The following KLK11 variants were observed in gnomAD, a reference collection of about 807,000 sequenced individuals.
The protein encoded by KLK11 is kallikrein related peptidase 11.
A neutral mutation model predicts 23.4 loss-of-function variants in KLK11; 10 were observed. The observed-to-expected ratio is 0.43, with a 90% confidence interval of 0.26 to 0.73. The LOEUF (loss-of-function observed/expected upper bound fraction) is 0.73, where lower values mean the gene tolerates loss of function less well. Among genes scored for constraint, KLK11 ranks in the 30% least tolerant of loss-of-function variants. The probability of loss-of-function intolerance (pLI) is 0.22; values close to 1 mark genes in which losing one functional copy is unlikely to be tolerated. For missense variants in KLK11, 285 were observed against 327.8 expected (o/e 0.87, Z 1.01); for synonymous variants, 131 against 131.7 (o/e 0.99, Z 0.03).
upstream of KLK11, chr19:51,027,145 C>T: frequency 3.0e-6 from 1 of 338,266 alleles, no homozygotes. Context: ...TCCTCCCGTC[C>T]CAGCCACTCC....
rs2091461295 is a variant in KLK11, at chr19:51,025,000, G to A, written c.41-206C>T. Among the ~76,000 whole-genome samples the A allele has an allele frequency of 6.6e-6, 1 of 152,186 alleles. No individual in the cohort carries two copies. The highest frequency in any genetic ancestry group is 2.4e-5 in the African/African-American group (1 of 41,424). ...AGGTCAAATGCAGTGGCTCATGCCT[G>A]TAATCCCAGCACTTTGAGAGGCTAA... On this transcript the variant is annotated intron_variant, in intron 2 of 5. Coordinates refer to ENST00000453757, the MANE Select transcript of KLK11 (RefSeq NM_001136032.3). The surrounding 1 kb of genome is among the most constrained non-coding windows in gnomAD (Gnocchi z 6.2).
chr19:51,027,082 T>A, upstream of KLK11: 1 of 218,582 alleles, frequency 4.6e-6, no homozygotes, highest in African/African-American at 2.3e-5. Flanking sequence ...ACTGCATCTC[T>A]GGCAATTTGT....
Position 51,025,488 on chromosome 19 carries a change from T to C in KLK11, c.40+104A>G. On this transcript the variant is annotated intron_variant, in intron 2 of 5. Transcript: ENST00000453757. The surrounding 1 kb of genome is among the most constrained non-coding windows in gnomAD (Gnocchi z 6.2). ...TCCAGTTCAGGTGCCTTATGGGTTG[T>C]TCTGTAATTTGGAATCAGCCCTGTC... The C allele has an allele frequency of 1.4e-6, 1 of 712,164 alleles. No homozygotes were observed. The highest frequency in any genetic ancestry group is 2.2e-6 in the Non-Finnish European group (1 of 448,700). The allele number at this position is 712,164 out of a possible 1,614,324, so 44.1% of individuals were successfully genotyped here. A position where few individuals can be genotyped will look rare whatever the true frequency, so the allele number is the denominator to read the frequency against.
In KLK11 at chr19:51,022,445, C is replaced by T. The variant is rs569618399; in HGVS notation, c.*100G>A. 99 of 1,426,538 alleles carry T rather than the reference C, an allele frequency of 6.9e-5. No homozygotes were observed. In the East Asian group the frequency reaches 7.1e-4, roughly 10 times the overall value. The allele number at this position is 1,426,538 out of a possible 1,614,324, so 88.4% of individuals were successfully genotyped here. On this transcript the variant is annotated 3_prime_UTR_variant, in exon 6 of 6. Transcript: ENST00000453757. ...TAGTCCAGGAGGCCCAAAGAATGTTCGTAGAGGGTCTTGGCTTAGGGTTTC... is the reference window on the plus strand; with the variant it reads ...TAGTCCAGGAGGCCCAAAGAATGTTTGTAGAGGGTCTTGGCTTAGGGTTTC...
chr19:51,027,459 G>A (rs1297784367), upstream of KLK11: 1 of 1,613,704 alleles, frequency 6.2e-7, no homozygotes. Context: ...TCACTTACTG[G>A]CTGCTGTGAG....
At position 51,025,218 on chromosome 19, in the gene KLK11, G is replaced by A. The variant is rs1346912024; in HGVS notation, c.40+374C>T. Among the ~76,000 whole-genome samples the A allele has an allele frequency of 1.3e-5, 2 of 151,876 alleles. No homozygotes were observed. The highest frequency in any genetic ancestry group is 1.9e-4 in the East Asian group (1 of 5,178). ...CGGGAAGTCAAGACTGCAGTGAGCC[G>A]TGTTGGCACCACGGCACTCCAGCCT... On this transcript the variant is annotated intron_variant, in intron 2 of 5. Transcript: ENST00000453757. This position sits in a 1 kb window ranked among gnomAD's most constrained non-coding sequence, Gnocchi z 6.2.
rs778575456 is a variant in KLK11 at position 51,022,561 on chromosome 19, G to A, written c.737C>T (p.Thr246Met). 29 of 1,613,950 alleles carry A rather than the reference G, an allele frequency of 1.8e-5. 1 individual carries two copies. Among genetic ancestry groups the A allele is most frequent in the Middle Eastern group, 1.6e-4 (1 of 6,078 alleles). ...VCKYVDWIQE[T>M]MKNN ...GGGTCCAGTCTAATTGTTCTTCATCGTCTCCTGGATCCAGTCCACATATTT... is the reference window on the plus strand; with the variant it reads ...GGGTCCAGTCTAATTGTTCTTCATCATCTCCTGGATCCAGTCCACATATTT... The change falls in exon 6 of 6, where the codon ACG becomes ATG. Residue 246 changes from threonine (T) to methionine (M), a missense_variant. Transcript: ENST00000453757.
Position 51,022,623 on chromosome 19 carries a change from C to T in KLK11, c.675G>A (p.Ala225=), listed in dbSNP as rs764880514. The T allele has an allele frequency of 4.4e-5, 71 of 1,613,716 alleles. No individual in the cohort carries two copies. In the South Asian group the frequency reaches 5.7e-4, roughly 13 times the overall value. Residue 225 remains alanine (A), a synonymous_variant, in exon 6 of 6, where the codon GCG becomes GCA. Transcript: ENST00000453757. ...GIISWGQDPC[A]ITRKPGVYTK... is the part of the protein sequence containing the mutation. Reference sequence around the variant, plus strand: ...TGTAGACACCAGGCTTTCGGGTGATCGCACACGGATCCTGGCCCCAGGAGA... The same window carrying T: ...TGTAGACACCAGGCTTTCGGGTGATTGCACACGGATCCTGGCCCCAGGAGA...
Position 51,024,045 on chromosome 19 carries a change from A to G in KLK11, c.463T>C (p.Leu155=). 1 of 1,532,246 alleles carries G rather than the reference A, an allele frequency of 6.5e-7. No homozygotes were observed. The highest frequency in any genetic ancestry group is 8.8e-7 in the Non-Finnish European group (1 of 1,134,586). 94.9% of individuals were successfully genotyped at this position (1,532,246 alleles called of 1,614,324 possible). Residue 155 remains leucine, a splice_region_variant and synonymous_variant, in exon 4 of 6, where the codon TTA becomes CTA. Coordinates refer to ENST00000453757, the MANE Select transcript of KLK11 (RefSeq NM_001136032.3). The surrounding 1 kb of genome is among the most constrained non-coding windows in gnomAD (Gnocchi z 6.2). ...SGWGSTSSPQ[L]RLPHTLRCAN... ...CCAGGTTCCCCTCTGGTGCTCCTAC[A>G]CTGGGGGCTGGACGTGCTGCCCCAG...
In KLK11 at chr19:51,024,453, C is replaced by A; in HGVS notation, c.198-143G>T. 7.2e-7 allele frequency: 1 copy of A among 1,398,048 alleles called. No individual in the cohort carries two copies. 86.6% of individuals were successfully genotyped at this position (1,398,048 alleles called of 1,614,324 possible). On this transcript the variant is annotated intron_variant, in intron 3 of 5. Transcript: ENST00000453757. This position sits in a 1 kb window ranked among gnomAD's most constrained non-coding sequence, Gnocchi z 6.2. ...CTCCCACCGAAGCCCCCTTCCCAGC[C>A]ATAGCCCCATCCCAACCCCATTCAT...
chr19:51,025,854 T>C lies in KLK11; in HGVS notation c.-35-188A>G, dbSNP rs1390698047. On this transcript the variant is annotated intron_variant, in intron 1 of 5. Coordinates refer to ENST00000453757, the MANE Select transcript of KLK11 (RefSeq NM_001136032.3). The surrounding 1 kb of genome is among the most constrained non-coding windows in gnomAD (Gnocchi z 6.2). Reference sequence around the variant, plus strand: ...ACACTTAAAATATATCTTAGGTGTCTAGGGTGGCCTTGGAGAGGGCCTGGT... The same window carrying C: ...ACACTTAAAATATATCTTAGGTGTCCAGGGTGGCCTTGGAGAGGGCCTGGT... 1 of 455,144 alleles carries C rather than the reference T, an allele frequency of 2.2e-6. No homozygotes were observed. The highest frequency in any genetic ancestry group is 4.2e-5 in the Admixed American group (1 of 23,740). 28.2% of individuals were successfully genotyped at this position (455,144 alleles called of 1,614,324 possible).
chr19:51,023,115 C>A lies in KLK11; in HGVS notation c.577G>T (p.Glu193Ter), dbSNP rs529645256. Residue 193 changes from glutamate to a stop codon, truncating the protein, a stop_gained, in exon 5 of 6, where the codon GAA becomes TAA. Coordinates refer to ENST00000453757, the MANE Select transcript of KLK11 (RefSeq NM_001136032.3). LOFTEE classifies it low-confidence loss of function (END_TRUNC). ...TDTMVCASVQEGGKDSCQGDS... is the reference protein window; with the variant it reads ...TDTMVCASVQ The stretch of plus-strand genomic sequence containing the variant: ...ACCTGGCAGGAGTCCTTGCCCCCTT[C>A]CTGCACGCTGGCACACACCATGGTG... 6.2e-7 allele frequency: 1 copy of A among 1,611,222 alleles called. No individual in the cohort carries two copies. The highest frequency in any genetic ancestry group is 1.1e-5 in the South Asian group (1 of 90,254).
At position 51,024,378 on chromosome 19, in the gene KLK11, A is replaced by T; in HGVS notation, c.198-68T>A. 6.3e-7 allele frequency: 1 copy of T among 1,580,406 alleles called. No homozygotes were observed. Among genetic ancestry groups the T allele is most frequent in the Non-Finnish European group, 8.6e-7 (1 of 1,164,712 alleles). ...GAGACATGGGTGGGAGAGGTGAGTG[A>T]CACCTTTGAGGATGAAGAAACATCG... On this transcript the variant is annotated intron_variant, in intron 3 of 5. Coordinates refer to ENST00000453757, the MANE Select transcript of KLK11 (RefSeq NM_001136032.3). This position sits in a 1 kb window ranked among gnomAD's most constrained non-coding sequence, Gnocchi z 6.2.
At position 51,022,568 on chromosome 19, in the gene KLK11, G is replaced by A; in HGVS notation, c.730C>T (p.Gln244Ter). ...TKVCKYVDWI[Q>*]ETMKNN ...GTCTAATTGTTCTTCATCGTCTCCT[G>A]GATCCAGTCCACATATTTGCAGACT... The change falls in exon 6 of 6, where the codon CAG becomes TAG. Residue 244 changes from glutamine (Q) to a stop codon, truncating the protein, a stop_gained. Transcript: ENST00000453757. LOFTEE classifies it high-confidence loss of function. 6.2e-7 allele frequency: 1 copy of A among 1,614,104 alleles called. No homozygotes were observed. The highest frequency in any genetic ancestry group is 1.1e-5 in the South Asian group (1 of 91,074).
Position 51,024,595 on chromosome 19 carries a change from T to TGCC in KLK11, c.197+42_197+43insGGC. 1.4e-6 allele frequency: 2 copies of TGCC among 1,457,602 alleles called. No individual in the cohort carries two copies. The highest frequency in any genetic ancestry group is 2.5e-5 in the East Asian group (1 of 39,742). 90.3% of individuals were successfully genotyped at this position (1,457,602 alleles called of 1,614,324 possible). A position where few individuals can be genotyped will look rare whatever the true frequency, so the allele number is the denominator to read the frequency against. ...AGCTTCTCTCCATCCATCTCCCCAT[T>TGCC]CCCAGCCCCCCACCCCGGCACCGCC... On this transcript the variant is annotated intron_variant, in intron 3 of 5. Transcript: ENST00000453757. The surrounding 1 kb of genome is among the most constrained non-coding windows in gnomAD (Gnocchi z 6.2).
At chr19:51,027,211 T>A (rs1366859774), upstream of KLK11, 10 of 519,122 alleles carry the variant, frequency 1.9e-5, no homozygotes, top group East Asian at 3.3e-4. Flanking sequence ...CGCTCCCTTC[T>A]CCTTTGCAAG....
rs1405639538 is a variant in KLK11 at position 51,025,722 on chromosome 19, G to A, written c.-35-56C>T. 5 of 700,832 alleles carry A rather than the reference G, an allele frequency of 7.1e-6. No individual in the cohort carries two copies. In the Admixed American group the frequency reaches 1.1e-4, roughly 15 times the overall value. The allele number at this position is 700,832 out of a possible 1,614,324, so 43.4% of individuals were successfully genotyped here. Reference sequence around the variant, plus strand: ...CACTTTACGGGGAAATCGGGAGGGGGGGGCTGGCTCATGCCCTCTCCTCTC... The same window carrying A: ...CACTTTACGGGGAAATCGGGAGGGGAGGGCTGGCTCATGCCCTCTCCTCTC... On this transcript the variant is annotated intron_variant, in intron 1 of 5. Transcript: ENST00000453757. This position sits in a 1 kb window ranked among gnomAD's most constrained non-coding sequence, Gnocchi z 6.2.
At chr19:51,027,848 G>C (rs139868678), upstream of KLK11, 22 of 260,094 alleles carry the variant, frequency 8.5e-5, no homozygotes, top group Non-Finnish European at 1.5e-4. Context: ...ACTGCGGGGG[G>C]GCTCAGCAAA....
upstream of KLK11, chr19:51,026,656 G>A: frequency 2.9e-5 from 28 of 954,808 alleles, no homozygotes; most frequent in Non-Finnish European, 3.5e-5. Flanking sequence ...CGGGCTGGCA[G>A]GGGGGCGGCC....
Sources: gnomAD v4.1 joint callset for allele counts (sites outside exome capture counted in the v4.1 genomes callset) on GRCh38, gnomAD v4.1.1 for gene constraint, Gnocchi (gnomAD v3.1) non-coding constraint, MANE v1.5 for transcripts, NCBI Gene and HGNC (gene_info 2026-07-23, HGNC 2026-07-21) for gene names.